Variants in GRIN2B observed in about 807,000 individuals in gnomAD.
GRIN2B encodes the protein glutamate ionotropic receptor NMDA type subunit 2B, also known as glutamate receptor ionotropic, NMDA 2B.
A neutral mutation model predicts 114.5 loss-of-function variants in GRIN2B; 5 were observed. That is an observed-to-expected ratio of 0.04 (90% CI 0.02 to 0.09). The LOEUF (loss-of-function observed/expected upper bound fraction) is 0.09, where lower values mean the gene tolerates loss of function less well. Among genes scored for constraint, GRIN2B ranks in the 10% least tolerant of loss-of-function variants. The pLI is 1.00. For missense variants in GRIN2B, 1,108 were observed against 1,943.5 expected (o/e 0.57, Z 8.08); for synonymous variants, 787 against 745.1 (o/e 1.06, Z -0.92).
At chr12:13,590,391 C>A (rs1948990877) in intron 10 of GRIN2B, among the ~76,000 whole-genome samples, 1 of 152,052 alleles carries the variant, frequency 6.6e-6, no homozygotes, top group Non-Finnish European at 1.5e-5. Context: ...CCTCCCCTAG[C>A]CCCCCACTCC....
chr12:13,590,090 C>T (rs1378350620), intron 10 of GRIN2B, among the ~76,000 whole-genome samples: 1 of 152,120 alleles, frequency 6.6e-6, no homozygotes, highest in East Asian at 1.9e-4. Flanking sequence ...AGGCTCTTCT[C>T]TAAGTCTCTG....
At chr12:13,892,779 A>C (rs562504451) in intron 2 of GRIN2B, among the ~76,000 whole-genome samples, 1 of 152,324 alleles carries the variant, frequency 6.6e-6, no homozygotes, top group African/African-American at 2.4e-5. Context: ...CACATAAATC[A>C]CATCGTTCCC....
chr12:13,918,568 C>T (rs1866769786), intron 2 of GRIN2B, among the ~76,000 whole-genome samples: 2 of 152,062 alleles, frequency 1.3e-5, no homozygotes, highest in Admixed American at 6.5e-5. Flanking sequence ...TCCCTTTTTT[C>T]TGACCCCTTG....
chr12:13,948,061 A>G (rs565496227), intron 2 of GRIN2B, among the ~76,000 whole-genome samples: 2 of 152,288 alleles, frequency 1.3e-5, no homozygotes, highest in South Asian at 2.1e-4. Context: ...AAACCCAACA[A>G]TGTTGCAGTT....
intron 3 of GRIN2B, among the ~76,000 whole-genome samples, chr12:13,819,726 C>T (rs981857787): frequency 3.9e-5 from 6 of 152,090 alleles, no homozygotes; most frequent in African/African-American, 1.4e-4. Context: ...GATTTTGCTG[C>T]CAAATGAATT....
At chr12:13,867,723 G>A (rs1200183107) in intron 2 of GRIN2B, among the ~76,000 whole-genome samples, 1 of 151,884 alleles carries the variant, frequency 6.6e-6, no homozygotes, top group Non-Finnish European at 1.5e-5. Flanking sequence ...ATTATCCAAG[G>A]TCAATGGCAT....
rs202176683 is a variant in GRIN2B at position 13,607,151 on chromosome 12, AAT to A, written c.2010+1450_2010+1451del. Among the ~76,000 whole-genome samples, 1,114 of 124,892 alleles carry A rather than the reference AAT, an allele frequency of 8.9e-3. 43 individuals carry two copies. The East Asian group carries it at 0.1, about 12-fold the overall frequency. The allele number at this position is 124,892 out of a possible 152,430, so 81.9% of individuals were successfully genotyped here. On this transcript the variant is annotated intron_variant, in intron 10 of 13. Coordinates refer to ENST00000609686, the MANE Select transcript of GRIN2B (RefSeq NM_000834.5). ...CAGGAGGTACCATGCACTCAAAAAA[AAT>A]ATATATATATATAAAAAATATATAT... is the stretch of plus-strand genomic sequence containing the variant.
intron 3 of GRIN2B, among the ~76,000 whole-genome samples, chr12:13,770,441 T>G (rs2136645113): frequency 6.6e-6 from 1 of 152,304 alleles, no homozygotes; most frequent in East Asian, 1.9e-4. Context: ...GATATTAAGT[T>G]TACCCTCTGT....
intron 2 of GRIN2B, among the ~76,000 whole-genome samples, chr12:13,870,183 G>A (rs1436495768): frequency 2.0e-5 from 3 of 152,252 alleles, no homozygotes; most frequent in Middle Eastern, 6.8e-3. Context: ...TAATGGCCTC[G>A]GGGTAGCAGC....
At chr12:13,658,808 C>T (rs1949892842) in intron 5 of GRIN2B, among the ~76,000 whole-genome samples, 1 of 147,044 alleles carries the variant, frequency 6.8e-6, no homozygotes, top group African/African-American at 2.5e-5. Context: ...CCCAATGATG[C>T]ATGAATGAGA....
At chr12:13,871,635 A>G (rs1465700234) in intron 2 of GRIN2B, among the ~76,000 whole-genome samples, 1 of 151,974 alleles carries the variant, frequency 6.6e-6, no homozygotes, top group African/African-American at 2.4e-5. Flanking sequence ...TAAACAAGAA[A>G]ATAACAAATG....
intron 4 of GRIN2B, among the ~76,000 whole-genome samples, chr12:13,693,196 C>G (rs988528559): frequency 6.6e-6 from 1 of 152,052 alleles, no homozygotes; most frequent in Non-Finnish European, 1.5e-5. Flanking sequence ...GAACTTAAGT[C>G]TTTATACCAA....
At chr12:13,698,644 A>G (rs922498318) in intron 4 of GRIN2B, among the ~76,000 whole-genome samples, 1 of 152,208 alleles carries the variant, frequency 6.6e-6, no homozygotes, top group Non-Finnish European at 1.5e-5. Flanking sequence ...AAGAAGATCT[A>G]CTTTGATCAT....
chr12:13,698,239 C>T (rs917850755), intron 4 of GRIN2B, among the ~76,000 whole-genome samples: 2 of 152,224 alleles, frequency 1.3e-5, no homozygotes, highest in African/African-American at 2.4e-5. Context: ...GCGCGGGGAG[C>T]GGAATGATTT....
Position 13,628,245 on chromosome 12 carries a change from G to A in GRIN2B, c.1126-11588C>T, listed in dbSNP as rs146578066. On this transcript the variant is annotated intron_variant, in intron 5 of 13. Transcript: ENST00000609686. ...GGTCTAGGGGCCCAAAGAAGCAGGAGGATGAAAGACACTGAGTGGAAACAG... is the reference window on the plus strand; with the variant it reads ...GGTCTAGGGGCCCAAAGAAGCAGGAAGATGAAAGACACTGAGTGGAAACAG... Among the ~76,000 whole-genome samples, 12 of 152,262 alleles carry A rather than the reference G, an allele frequency of 7.9e-5. No individual in the cohort carries two copies. In the East Asian group the frequency reaches 2.3e-3, roughly 29 times the overall value.
chr12:13,923,448 C>G (rs1866856435), intron 2 of GRIN2B, among the ~76,000 whole-genome samples: 1 of 152,108 alleles, frequency 6.6e-6, no homozygotes, highest in South Asian at 2.1e-4. Context: ...TTTTAAATAC[C>G]ATTAAAGTTC....
rs1948471273 is a variant in GRIN2B at position 13,555,731 on chromosome 12, T to C, written c.*7052A>G. Reference sequence around the variant, plus strand: ...TTTCTTGCAAACACAGTAGGAAAGATTGCCTGTTGAAAGACAGGACATGAA... The same window carrying C: ...TTTCTTGCAAACACAGTAGGAAAGACTGCCTGTTGAAAGACAGGACATGAA... On this transcript the variant is annotated 3_prime_UTR_variant, in exon 14 of 14. Coordinates refer to ENST00000609686, the MANE Select transcript of GRIN2B (RefSeq NM_000834.5). 6.6e-6 allele frequency: 1 copy of C among 152,092 alleles called. No homozygotes were observed. The highest frequency in any genetic ancestry group is 1.5e-5 in the Non-Finnish European group (1 of 68,016). 9.4% of individuals were successfully genotyped at this position (152,092 alleles called of 1,614,324 possible). A position where few individuals can be genotyped will look rare whatever the true frequency, so the allele number is the denominator to read the frequency against.
chr12:13,902,880 G>A (rs1866476208), intron 2 of GRIN2B, among the ~76,000 whole-genome samples: 1 of 152,006 alleles, frequency 6.6e-6, no homozygotes, highest in African/African-American at 2.4e-5. Flanking sequence ...AGCTAACTAA[G>A]CCTGGCACAC....
At chr12:13,586,626 C>T (rs927253606) in intron 10 of GRIN2B, among the ~76,000 whole-genome samples, 1 of 152,138 alleles carries the variant, frequency 6.6e-6, no homozygotes, top group Non-Finnish European at 1.5e-5. Context: ...AATTTAAGAT[C>T]CGACAAGCCA....
Sources: gnomAD v4.1 joint callset for allele counts (sites outside exome capture counted in the v4.1 genomes callset) on GRCh38, gnomAD v4.1.1 for gene constraint, MANE v1.5 for transcripts, NCBI Gene and HGNC (gene_info 2026-07-23, HGNC 2026-07-21) for gene names.